NFIA: variants seen among roughly 807,000 people sequenced by gnomAD.
NFIA encodes the protein nuclear factor 1 A-type.
NFIA carries 8 observed loss-of-function variants against 62.8 expected under a neutral mutation model. The ratio of observed to expected loss-of-function variants is 0.13; its 90% confidence interval spans 0.07 to 0.23. NFIA has a LOEUF of 0.23. Ranked by LOEUF, NFIA falls within the 10% of genes least tolerant of loss-of-function variation. The pLI, the probability that NFIA is intolerant of heterozygous loss-of-function variation, is 1.00. For synonymous variants in NFIA, 235 were observed against 238.1 expected (o/e 0.99, Z 0.12); for missense variants, 410 against 642.1 (o/e 0.64, Z 3.91).
At chr1:61,113,659 A>G (rs1482749863) in intron 2 of NFIA, among the ~76,000 whole-genome samples, 1 of 151,894 alleles carries the variant, frequency 6.6e-6, no homozygotes, top group African/African-American at 2.4e-5. Context: ...TTTATGCTGA[A>G]TTGAGACCAT....
intron 2 of NFIA, among the ~76,000 whole-genome samples, chr1:61,115,917 T>G (rs1004155752): frequency 2.0e-5 from 3 of 152,146 alleles, no homozygotes; most frequent in Non-Finnish European, 4.4e-5. Context: ...AAAAAGGTGG[T>G]GAAGACCACA....
At chr1:61,181,560 A>G (rs143684562) in intron 2 of NFIA, among the ~76,000 whole-genome samples, 2 of 152,346 alleles carry the variant, frequency 1.3e-5, no homozygotes, top group Admixed American at 1.3e-4. Context: ...TATCATACAA[A>G]TGCAACAGAC....
chr1:61,121,372 C>G (rs1646883874), intron 2 of NFIA, among the ~76,000 whole-genome samples: 1 of 152,120 alleles, frequency 6.6e-6, no homozygotes, highest in African/African-American at 2.4e-5. Flanking sequence ...GCTGTATTAT[C>G]ACAAACTGAC....
intron 2 of NFIA, among the ~76,000 whole-genome samples, chr1:61,234,608 A>G (rs1370667327): frequency 1.3e-5 from 2 of 152,158 alleles, no homozygotes; most frequent in Admixed American, 6.5e-5. Context: ...AGTCCCTCAG[A>G]GAGGCCCCTA....
At chr1:61,440,357 G>C (rs1171888407) in intron 10 of NFIA, among the ~76,000 whole-genome samples, 1 of 152,172 alleles carries the variant, frequency 6.6e-6, no homozygotes, top group Non-Finnish European at 1.5e-5. Flanking sequence ...TTACTCTGCT[G>C]TTCTGTAATG....
At chr1:61,083,562 G>C (rs1001432899) in intron 1 of NFIA, among the ~76,000 whole-genome samples, 1 of 151,782 alleles carries the variant, frequency 6.6e-6, no homozygotes, top group Non-Finnish European at 1.5e-5. Context: ...CGCGCCGGCC[G>C]GGTGGAGCCT....
intron 2 of NFIA, among the ~76,000 whole-genome samples, chr1:61,190,491 A>G (rs1384598460): frequency 6.6e-6 from 1 of 152,222 alleles, no homozygotes; most frequent in Non-Finnish European, 1.5e-5. Flanking sequence ...TTTTCCTTCT[A>G]AAACAGACAC....
intron 9 of NFIA, among the ~76,000 whole-genome samples, chr1:61,411,568 A>C (rs1054706520): frequency 6.6e-6 from 1 of 151,890 alleles, no homozygotes; most frequent in Non-Finnish European, 1.5e-5. Context: ...TGTGCCAAGC[A>C]CTCTTCTTGG....
intron 3 of NFIA, among the ~76,000 whole-genome samples, chr1:61,281,635 CA>C (rs1287676919): frequency 6.6e-6 from 1 of 152,022 alleles, no homozygotes; most frequent in African/African-American, 2.4e-5. Flanking sequence ...CAGGGAATTG[CA>C]AAAAGGATTC....
intron 5 of NFIA, among the ~76,000 whole-genome samples, chr1:61,356,998 A>G (rs1194576209): frequency 1.2e-4 from 18 of 152,182 alleles, no homozygotes. Flanking sequence ...TAACTTTTCT[A>G]AAATATAACT....
chr1:61,082,425 AGCGGAG>A, upstream of NFIA: 3 of 1,003,926 alleles, frequency 3.0e-6, no homozygotes, highest in Non-Finnish European at 3.6e-6. Flanking sequence ...TGCGGTGCAG[AGCGGAG>A]GCGGAGGCGG....
intron 3 of NFIA, among the ~76,000 whole-genome samples, chr1:61,305,443 A>G (rs952322189): frequency 2.0e-5 from 3 of 152,204 alleles, no homozygotes; most frequent in African/African-American, 7.2e-5. Context: ...AACAGCAGAA[A>G]ACAAGAGAAG....
intron 10 of NFIA, among the ~76,000 whole-genome samples, chr1:61,452,334 A>G (rs1280839116): frequency 6.6e-6 from 1 of 152,136 alleles, no homozygotes; most frequent in Non-Finnish European, 1.5e-5. Flanking sequence ...ACTTCAAAAA[A>G]GAAAAATTCC....
chr1:61,277,955 A>G (rs1657912072), intron 3 of NFIA, among the ~76,000 whole-genome samples: 1 of 152,076 alleles, frequency 6.6e-6, no homozygotes. Flanking sequence ...TAATGTGGCA[A>G]ATGCCCCATG....
intron 7 of NFIA, among the ~76,000 whole-genome samples, chr1:61,390,189 A>G (rs561146152): frequency 2.0e-4 from 30 of 152,308 alleles, no homozygotes; most frequent in Non-Finnish European, 3.1e-4. Flanking sequence ...CCCAACCGCT[A>G]TTGTCAAACA....
chr1:61,367,535 C>CT (rs2100457782), intron 6 of NFIA, among the ~76,000 whole-genome samples: 1 of 152,292 alleles, frequency 6.6e-6, no homozygotes, highest in African/African-American at 2.4e-5. Flanking sequence ...CCATTAGAGA[C>CT]TGGTACACCA....
At chr1:61,183,560 C>G (rs1358167742) in intron 2 of NFIA, among the ~76,000 whole-genome samples, 2 of 152,226 alleles carry the variant, frequency 1.3e-5, no homozygotes, top group African/African-American at 4.8e-5. Flanking sequence ...TATGGTAACA[C>G]CACAGACATG....
intron 6 of NFIA, among the ~76,000 whole-genome samples, chr1:61,371,008 A>G (rs963217259): frequency 2.6e-5 from 4 of 152,162 alleles, no homozygotes; most frequent in African/African-American, 9.7e-5. Context: ...TCACTTAACT[A>G]TGATTAGCTT....
intron 2 of NFIA, among the ~76,000 whole-genome samples, chr1:61,198,833 G>A (rs931824765): frequency 2.0e-5 from 3 of 152,172 alleles, no homozygotes; most frequent in African/African-American, 7.2e-5. Flanking sequence ...CCAGCACATG[G>A]CACCCTAATT....
Sources: gnomAD v4.1 joint callset for allele counts (sites outside exome capture counted in the v4.1 genomes callset) on GRCh38, gnomAD v4.1.1 for gene constraint, MANE v1.5 for transcripts, NCBI Gene and HGNC (gene_info 2026-07-23, HGNC 2026-07-21) for gene names.